The following NME7 variants were observed in gnomAD, a reference collection of about 807,000 sequenced individuals.
The protein encoded by NME7 is NME/NM23 family member 7.
A neutral mutation model predicts 49.1 loss-of-function variants in NME7; 41 were observed. The ratio of observed to expected loss-of-function variants is 0.83; its 90% CI spans 0.65 to 1.08. The LOEUF (loss-of-function observed/expected upper bound fraction) is 1.08. Among genes scored for constraint, NME7 ranks in the 50% least tolerant of loss-of-function variants. The probability of loss-of-function intolerance (pLI) is 0.00; values close to 1 mark genes in which losing one functional copy is unlikely to be tolerated. For missense variants in NME7, 423 were observed against 463.4 expected (o/e 0.91, Z 0.80); for synonymous variants, 139 against 150.6 (o/e 0.92, Z 0.56).
chr1:169,182,189 A>AAG (rs1553243360), intron 10 of NME7, among the ~76,000 whole-genome samples: 15,836 of 148,152 alleles, frequency 0.11, 906 homozygotes, highest in East Asian at 0.18. Context: ...AAAAAAAAAA[A>AAG]CAACTCTGTA....
intron 7 of NME7, among the ~76,000 whole-genome samples, chr1:169,283,318 T>G (rs1650115116): frequency 6.6e-6 from 1 of 152,194 alleles, no homozygotes; most frequent in African/African-American, 2.4e-5. Context: ...CTCCATCCCT[T>G]TACTTTGAGC....
At chr1:169,350,665 A>G (rs1162893763) in intron 1 of NME7, among the ~76,000 whole-genome samples, 1 of 152,142 alleles carries the variant, frequency 6.6e-6, no homozygotes, top group South Asian at 2.1e-4. Context: ...AGGATATTCA[A>G]GAAAAGAGGG....
intron 7 of NME7, chr1:169,285,283 T>C (rs1650228854): frequency 6.6e-6 from 1 of 152,038 alleles, no homozygotes; most frequent in African/African-American, 2.4e-5. Context: ...GCTCAAAAAG[T>C]TTTGGAGTTT....
At chr1:169,163,505 G>A (rs1659307285) in intron 11 of NME7, among the ~76,000 whole-genome samples, 1 of 152,092 alleles carries the variant, frequency 6.6e-6, no homozygotes, top group African/African-American at 2.4e-5. Context: ...GATTGAAAGA[G>A]ACTAAGGAGA....
chr1:169,220,184 T>C lies in NME7; in HGVS notation c.990+10534A>G, dbSNP rs10919098. Among the ~76,000 whole-genome samples, 105 of 152,288 alleles carry C rather than the reference T, an allele frequency of 6.9e-4. 1 individual carries two copies. Among genetic ancestry groups the C allele is most frequent in the African/African-American group, 2.3e-3 (95 of 41,574 alleles). The stretch of plus-strand genomic sequence containing the variant: ...ATAATTCCAATGAAAGGATAACTTA[T>C]AAAGCAAATGAAAAGTTAATTAAAA... On this transcript the variant is annotated intron_variant, in intron 10 of 11. Transcript: ENST00000367811.
In NME7 at chr1:169,163,670, T is replaced by TA. The variant is rs112124770; in HGVS notation, c.1098+5776dup. On this transcript the variant is annotated intron_variant, in intron 11 of 11. Coordinates refer to ENST00000367811, the MANE Select transcript of NME7 (RefSeq NM_013330.5). The stretch of plus-strand genomic sequence containing the variant: ...TTTGGATGCTTGTAATGTGATTATG[T>TA]AAAAAAAAATGCCCTTTTATGTTAA... 3.9e-4 allele frequency among the ~76,000 whole-genome samples: 59 copies of TA among 151,190 alleles called. 1 individual carries two copies. The highest frequency in any genetic ancestry group is 3.4e-3 in the Middle Eastern group (1 of 290).
intron 7 of NME7, among the ~76,000 whole-genome samples, chr1:169,262,666 C>T (rs1263559162): frequency 7.5e-6 from 1 of 133,218 alleles, no homozygotes; most frequent in East Asian, 2.0e-4. Context: ...CCAGGAAAAC[C>T]TCTTCAACAC....
chr1:169,313,312 T>C (rs1217695023), intron 3 of NME7, among the ~76,000 whole-genome samples: 2 of 151,634 alleles, frequency 1.3e-5, no homozygotes, highest in African/African-American at 4.8e-5. Context: ...TTGCAGTACA[T>C]CATTGGGAAA....
intron 7 of NME7, chr1:169,246,916 G>C (rs916680269): frequency 9.5e-6 from 4 of 422,100 alleles, no homozygotes; most frequent in African/African-American, 8.3e-5. Flanking sequence ...CCTACAATAT[G>C]GTGACTTTGT....
chr1:169,350,850 A>C (rs1249912075), intron 1 of NME7, among the ~76,000 whole-genome samples: 1 of 152,186 alleles, frequency 6.6e-6, no homozygotes, highest in East Asian at 1.9e-4. Flanking sequence ...CATCACATGT[A>C]AATGGGATCA....
intron 10 of NME7, among the ~76,000 whole-genome samples, chr1:169,230,304 C>T (rs562182420): frequency 3.4e-4 from 52 of 152,090 alleles, no homozygotes; most frequent in Non-Finnish European, 7.2e-4. Flanking sequence ...TACCAAATTT[C>T]ACATAAGTCT....
intron 11 of NME7, among the ~76,000 whole-genome samples, chr1:169,143,273 CTTTTTT>C (rs71299493): frequency 1.0e-5 from 1 of 98,178 alleles, no homozygotes; most frequent in Non-Finnish European, 2.1e-5. Flanking sequence ...TCACCTCAGG[CTTTTTT>C]TTTTTTTTTT....
chr1:169,339,102 T>A (rs998562246), intron 1 of NME7, among the ~76,000 whole-genome samples: 6 of 151,762 alleles, frequency 4.0e-5, no homozygotes, highest in African/African-American at 1.5e-4. Context: ...TCTAAAGGAG[T>A]AAATAAATGT....
At chr1:169,342,901 CATAT>C (rs202210325) in intron 1 of NME7, among the ~76,000 whole-genome samples, 1 of 87,456 alleles carries the variant, frequency 1.1e-5, no homozygotes, top group African/African-American at 4.5e-5. Flanking sequence ...TATACAAGTA[CATAT>C]ATATAGTGTA....
chr1:169,160,008 A>C (rs1160473304), intron 11 of NME7, among the ~76,000 whole-genome samples: 1 of 152,138 alleles, frequency 6.6e-6, no homozygotes, highest in Non-Finnish European at 1.5e-5. Context: ...ATCTCTAGTG[A>C]CTGATACTGA....
At chr1:169,181,167 T>TATCTATCTATCA (rs1164676670) in intron 10 of NME7, among the ~76,000 whole-genome samples, 1 of 146,560 alleles carries the variant, frequency 6.8e-6, no homozygotes, top group Non-Finnish European at 1.5e-5. Context: ...TCTATCTATC[T>TATCTATCTATCA]ATCATCTATC....
chr1:169,159,866 AACTTCC>A (rs1659192545), intron 11 of NME7, among the ~76,000 whole-genome samples: 1 of 152,088 alleles, frequency 6.6e-6, no homozygotes, highest in Non-Finnish European at 1.5e-5. Context: ...TTGGTTCACA[AACTTCC>A]CTAGTTTGTG....
chr1:169,142,128 C>T (rs1169979961), intron 11 of NME7, among the ~76,000 whole-genome samples: 1 of 152,136 alleles, frequency 6.6e-6, no homozygotes, highest in East Asian at 1.9e-4. Context: ...CCTGGACCTC[C>T]CTTATACTTT....
At chr1:169,234,436 C>T (rs1457646122) in intron 9 of NME7, among the ~76,000 whole-genome samples, 1 of 152,024 alleles carries the variant, frequency 6.6e-6, no homozygotes, top group Admixed American at 6.6e-5. Context: ...GCAGAAAATA[C>T]AGGTGTAAAT....
Sources: allele counts gnomAD v4.1 joint callset (sites outside exome capture counted in the v4.1 genomes callset), GRCh38; gene constraint gnomAD v4.1.1; transcripts MANE v1.5; gene names NCBI Gene and HGNC (gene_info 2026-07-23, HGNC 2026-07-21).